Variants in MAMDC4 observed in about 807,000 individuals in gnomAD.
The protein encoded by MAMDC4 is MAM domain containing 4, also known as apical endosomal glycoprotein.
MAMDC4 carries 168 observed loss-of-function variants against 153.3 expected under a neutral mutation model. The observed-to-expected ratio is 1.10, with a 90% CI of 0.97 to 1.25. MAMDC4 has a LOEUF of 1.25. MAMDC4 is among the 50% of genes most tolerant of loss of function. The pLI is 0.00. For missense variants in MAMDC4, 1,701 were observed against 1,542.8 expected, an observed-to-expected ratio of 1.10 and a Z score of -1.72; for synonymous variants, 744 against 651.5, an observed-to-expected ratio of 1.14 and a Z score of -2.16.
rs1219178111 is a variant in MAMDC4 at position 136,859,007 on chromosome 9, A to G, written c.2959A>G (p.Lys987Glu). 2 of 1,523,684 alleles carry G rather than the reference A, an allele frequency of 1.3e-6. No homozygotes were observed. The highest frequency in any genetic ancestry group is 2.7e-5 in the African/African-American group (2 of 72,810). The allele number at this position is 1,523,684 out of a possible 1,614,324, so 94.4% of individuals were successfully genotyped here. The stretch of plus-strand genomic sequence containing the variant: ...ACACGCCCTGGCCCTGCTCTCAGAC[A>G]AGGGGGAGCTGAAGGTACTGCTGCA... Reference protein sequence around the residue: ...YHMGFPEHFYKGELKVLLHSA... With the variant: ...YHMGFPEHFYEGELKVLLHSA... The change falls in exon 24 of 27, where the codon AAG becomes GAG. Residue 987 changes from lysine (K) to glutamate (E), a missense_variant and splice_region_variant. Lys to Glu is a moderately conservative substitution (Grantham distance 56, BLOSUM62 1). Coordinates refer to ENST00000317446, the MANE Select transcript of MAMDC4 (RefSeq NM_206920.3).
At chr9:136,858,333 C>G in intron 21 of MAMDC4, 57 bp downstream of exon 21, 1 of 1,600,270 alleles carries the variant, frequency 6.2e-7, no homozygotes, top group Non-Finnish European at 8.5e-7. Context: ...AGCCCTTTCC[C>G]TTCGTAGTCG....
chr9:136,859,328 G>T lies in MAMDC4; in HGVS notation c.3193+11G>T. The T allele has an allele frequency of 6.2e-7, 1 of 1,603,914 alleles. No homozygotes were observed. Among genetic ancestry groups the T allele is most frequent in the South Asian group, 1.1e-5 (1 of 90,036 alleles). On this transcript the variant is annotated intron_variant, in intron 25 of 26. Transcript: ENST00000317446. ...CTGCCCCCAGCCCGGGTGAGCCCTG[G>T]GCTGCAGTGGAGGCACGGAGGAGGG...
rs138623341 is a variant in MAMDC4 at position 136,859,975 on chromosome 9, C to T, written c.3283C>T (p.Arg1095Trp). 2.9e-3 allele frequency: 4,688 copies of T among 1,612,938 alleles called. 13 individuals carry two copies. Among genetic ancestry groups the T allele is most frequent in the Non-Finnish European group, 3.5e-3 (4,147 of 1,179,874 alleles). ...MLLVLLGLGG[R>W]RWLQKKGSCP... is the part of the protein sequence containing the mutation. ...CCTGGTGCTGCTGGGACTTGGGGGA[C>T]GGCGCTGGCTGCAGAAGAAGGGGAG... The change falls in exon 26 of 27, where the codon CGG becomes TGG. Residue 1095 changes from arginine (R) to tryptophan (W), a missense_variant. Arg to Trp is a moderately radical substitution (Grantham distance 101, BLOSUM62 -3). Coordinates refer to ENST00000317446, the MANE Select transcript of MAMDC4 (RefSeq NM_206920.3).
chr9:136,855,019 G>A lies in MAMDC4; in HGVS notation c.1106G>A (p.Arg369Gln), dbSNP rs764179924. The A allele has an allele frequency of 2.9e-5, 47 of 1,601,072 alleles. No individual in the cohort carries two copies. The highest frequency in any genetic ancestry group is 5.5e-5 in the South Asian group (5 of 90,112). ...CAGACTCTGGGGCCCGGCGCCCCCC[G>A]GGCCCCCGTCCTGCTGCGGAGGCGC... is the stretch of plus-strand genomic sequence containing the variant. ...FLQTLGPGAP[R>Q]APVLLRRRRG... is the part of the protein sequence containing the mutation. Residue 369 changes from arginine to glutamine, a missense_variant, in exon 10 of 27, where the codon CGG becomes CAG. By Grantham distance (43) the Arg-to-Gln change is conservative. Coordinates refer to ENST00000317446, the MANE Select transcript of MAMDC4 (RefSeq NM_206920.3).
chr9:136,854,301 G>A lies in MAMDC4; in HGVS notation c.761G>A (p.Cys254Tyr), dbSNP rs776397498. The A allele has an allele frequency of 6.3e-7, 1 of 1,597,384 alleles. No homozygotes were observed. ...CAGCTGTGCGACGGGGAAGACAACTGCGGGGACCTGTCTGATGAGAACCCA... is the reference window on the plus strand; with the variant it reads ...CAGCTGTGCGACGGGGAAGACAACTACGGGGACCTGTCTGATGAGAACCCA... ...PQQLCDGEDN[C>Y]GDLSDENPLT... The change falls in exon 7 of 27, where the codon TGC becomes TAC. Residue 254 changes from cysteine (C) to tyrosine (Y), a missense_variant. Coordinates refer to ENST00000317446, the MANE Select transcript of MAMDC4 (RefSeq NM_206920.3).
In MAMDC4 at chr9:136,858,728, C is replaced by T; in HGVS notation, c.2831C>T (p.Ala944Val). The T allele has an allele frequency of 1.9e-6, 3 of 1,612,144 alleles. No individual in the cohort carries two copies. The highest frequency in any genetic ancestry group is 2.2e-5 in the South Asian group (2 of 91,072). The change falls in exon 23 of 27, where the codon GCC (alanine) becomes GTC (valine). Residue 944 changes from alanine to valine, a missense_variant. Coordinates refer to ENST00000317446, the MANE Select transcript of MAMDC4 (RefSeq NM_206920.3). ...CTCCTCTTGTTCCCAGGCCACTTTG[C>T]CTTCTTTGAAACTGGCGTGCTGGGC... ...HTLGTEAGHF[A>V]FFETGVLGPG...
At position 136,860,576 on chromosome 9, in the gene MAMDC4, C is replaced by T. The variant is rs1462333005; in HGVS notation, c.3387C>T (p.Leu1129=). The T allele has an allele frequency of 1.9e-6, 3 of 1,612,870 alleles. No homozygotes were observed. Among genetic ancestry groups the T allele is most frequent in the South Asian group, 1.1e-5 (1 of 91,076 alleles). The change falls in exon 27 of 27, where the codon CTC becomes CTT. Residue 1129 remains leucine (L), a synonymous_variant. Coordinates refer to ENST00000317446, the MANE Select transcript of MAMDC4 (RefSeq NM_206920.3). ...NILFNADGVT[L]PASVTSDP is the part of the protein sequence containing the mutation. Reference sequence around the variant, plus strand: ...CCTCCTCCTAGGATGGTGTCACCCTCCCGGCATCTGTCACCAGTGATCCGT... The same window carrying T: ...CCTCCTCCTAGGATGGTGTCACCCTTCCGGCATCTGTCACCAGTGATCCGT...
chr9:136,858,816 C>G lies in MAMDC4; in HGVS notation c.2919C>G (p.Leu973=), dbSNP rs1374038929. Residue 973 remains leucine (L), a synonymous_variant, in exon 23 of 27, where the codon CTC becomes CTG. Transcript: ENST00000317446. ...EPLPATPASC[L]RFWYHMGFPE... ...TGCCGGCCACCCCAGCCTCCTGCCT[C>G]CGCTTCTGGTACCACATGGGTTTTC... is the stretch of plus-strand genomic sequence containing the variant. 1.9e-6 allele frequency: 3 copies of G among 1,610,666 alleles called. No homozygotes were observed. Among genetic ancestry groups the G allele is most frequent in the Admixed American group, 3.3e-5 (2 of 59,704 alleles).
At position 136,855,996 on chromosome 9, in the gene MAMDC4, G is replaced by C. The variant is rs200547086; in HGVS notation, c.1589-22G>C. 2.7e-3 allele frequency: 4,290 copies of C among 1,602,058 alleles called. 9 individuals carry two copies. Among genetic ancestry groups the C allele is most frequent in the Non-Finnish European group, 3.2e-3 (3,808 of 1,173,786 alleles). On this transcript the variant is annotated intron_variant, in intron 13 of 26. Transcript: ENST00000317446. Reference sequence around the variant, plus strand: ...GGGGCCCTGGAAGGGATGAGGCTCTGAGCACCATGCTCTTCCCCTAGGGCA... The same window carrying C: ...GGGGCCCTGGAAGGGATGAGGCTCTCAGCACCATGCTCTTCCCCTAGGGCA...
Position 136,858,076 on chromosome 9 carries a change from G to A in MAMDC4, c.2562G>A (p.Val854=), listed in dbSNP as rs1467061529. ...CCTGGCGCCTGGGCAGCATGGACGTGCAGGCCGAGCGAGCCTGGAGGGTGA... is the reference window on the plus strand; with the variant it reads ...CCTGGCGCCTGGGCAGCATGGACGTACAGGCCGAGCGAGCCTGGAGGGTGA... ...GLAWRLGSMD[V]QAERAWRVVF... is the part of the protein sequence containing the mutation. The change falls in exon 20 of 27, where the codon GTG becomes GTA. Residue 854 remains valine (V), a synonymous_variant. Transcript: ENST00000317446. 7.2e-6 allele frequency: 11 copies of A among 1,531,656 alleles called. No homozygotes were observed. The South Asian group carries it at 1.2e-4, about 17-fold the overall frequency. 94.9% of individuals were successfully genotyped at this position (1,531,656 alleles called of 1,614,324 possible). A position where few individuals can be genotyped will look rare whatever the true frequency, so the allele number is the denominator to read the frequency against.
chr9:136,856,926 C>G lies in MAMDC4; in HGVS notation c.1857C>G (p.Asp619Glu). Residue 619 changes from aspartate to glutamate, a missense_variant, in exon 16 of 27, where the codon GAC (aspartate) becomes GAG (glutamate). Coordinates refer to ENST00000317446, the MANE Select transcript of MAMDC4 (RefSeq NM_206920.3). ...TTGQGHFVLL[D>E]PTDPLAWGHS... ...CTGCAGGCCACTTTGTGCTCCTGGA[C>G]CCCACAGACCCCCTGGCCTGGGGCC... The G allele has an allele frequency of 6.2e-7, 1 of 1,609,428 alleles. No homozygotes were observed. Among genetic ancestry groups the G allele is most frequent in the Non-Finnish European group, 8.5e-7 (1 of 1,177,560 alleles).
chr9:136,858,200 A>C lies in MAMDC4; in HGVS notation c.2598A>C (p.Ala866=). 6.3e-7 allele frequency: 1 copy of C among 1,592,604 alleles called. No individual in the cohort carries two copies. Among genetic ancestry groups the C allele is most frequent in the Non-Finnish European group, 8.5e-7 (1 of 1,174,212 alleles). The change falls in exon 21 of 27, where the codon GCA becomes GCC. Residue 866 remains alanine (A), a synonymous_variant. Transcript: ENST00000317446. ...AERAWRVVFE[A]VAAGVAHSYV... The stretch of plus-strand genomic sequence containing the variant: ...GCACCCGCCAGGTGGTGTTTGAGGC[A>C]GTGGCCGCAGGCGTGGCACACTCCT...
Position 136,854,024 on chromosome 9 carries a change from C to T in MAMDC4, c.618C>T (p.His206=), listed in dbSNP as rs1437711015. The T allele has an allele frequency of 1.2e-6, 2 of 1,612,982 alleles. No homozygotes were observed. The highest frequency in any genetic ancestry group is 1.3e-5 in the African/African-American group (1 of 75,016). Reference sequence around the variant, plus strand: ...TCTCTGCCACCCGAAATGCCACCCACAGGGGCGCTGTGGCTCTAGATGACC... The same window carrying T: ...TCTCTGCCACCCGAAATGCCACCCATAGGGGCGCTGTGGCTCTAGATGACC... ...VTFSATRNAT[H]RGAVALDDLE... Residue 206 remains histidine (H), a synonymous_variant, in exon 6 of 27, where the codon CAC becomes CAT. Coordinates refer to ENST00000317446, the MANE Select transcript of MAMDC4 (RefSeq NM_206920.3).
Position 136,858,759 on chromosome 9 carries a change from G to A in MAMDC4, c.2862G>A (p.Gly954=). Residue 954 remains glycine (G), a synonymous_variant, in exon 23 of 27, where the codon GGG becomes GGA. Coordinates refer to ENST00000317446, the MANE Select transcript of MAMDC4 (RefSeq NM_206920.3). The part of the protein sequence containing the change: ...AFFETGVLGP[G]GRAAWLRSEP... Reference sequence around the variant, plus strand: ...TTGAAACTGGCGTGCTGGGCCCCGGGGGCCGGGCCGCCTGGCTGCGCAGCG... The same window carrying A: ...TTGAAACTGGCGTGCTGGGCCCCGGAGGCCGGGCCGCCTGGCTGCGCAGCG... The A allele has an allele frequency of 6.2e-7, 1 of 1,611,098 alleles. No homozygotes were observed. The highest frequency in any genetic ancestry group is 8.5e-7 in the Non-Finnish European group (1 of 1,179,308).
At chr9:136,854,178 G>A (rs753666028) in intron 6 of MAMDC4, 33 bp from the exon 7 acceptor site, 2 of 1,611,834 alleles carry the variant, frequency 1.2e-6, no homozygotes, top group South Asian at 2.2e-5. Context: ...CACTCCTGGG[G>A]CCTCGGTGAA....
intron 25 of MAMDC4, 76 bp from the exon 26 acceptor site, chr9:136,859,810 T>C (rs779601497): frequency 3.1e-5 from 47 of 1,506,048 alleles, no homozygotes; most frequent in Non-Finnish European, 3.9e-5. Context: ...TGAGGGACCA[T>C]GCAGCCCCAG....
Position 136,855,079 on chromosome 9 carries a change from G to T in MAMDC4, c.1166G>T (p.Arg389Leu), listed in dbSNP as rs557627398. 6.9e-6 allele frequency: 11 copies of T among 1,593,334 alleles called. No homozygotes were observed. Among genetic ancestry groups the T allele is most frequent in the South Asian group, 2.2e-5 (2 of 89,612 alleles). ...GELGTAWVRD[R>L]VDIQSAYPFQ... Reference sequence around the variant, plus strand: ...CTGGGGACCGCCTGGGTCCGAGACCGTGTTGACATCCAGAGCGCCTACCCC... The same window carrying T: ...CTGGGGACCGCCTGGGTCCGAGACCTTGTTGACATCCAGAGCGCCTACCCC... Residue 389 changes from arginine (R) to leucine (L), a missense_variant, in exon 10 of 27, where the codon CGT becomes CTT. By Grantham distance (102) the Arg-to-Leu change is moderately radical. Transcript: ENST00000317446.
chr9:136,853,990 A>C lies in MAMDC4; in HGVS notation c.586-2A>C. 6.2e-7 allele frequency: 1 copy of C among 1,612,846 alleles called. No individual in the cohort carries two copies. Among genetic ancestry groups the C allele is most frequent in the Non-Finnish European group, 8.5e-7 (1 of 1,179,910 alleles). On this transcript the variant is annotated splice_acceptor_variant, in intron 5 of 26. Coordinates refer to ENST00000317446, the MANE Select transcript of MAMDC4 (RefSeq NM_206920.3). LOFTEE classifies it high-confidence loss of function. The stretch of plus-strand genomic sequence containing the variant: ...TAGGTCCTAAGAGCCTGTTCTCTTC[A>C]GGTGACCTTCTCTGCCACCCGAAAT...
chr9:136,860,188 C>T (rs1038188760), intron 26 of MAMDC4, 124 bp downstream of exon 26: 3 of 1,127,280 alleles, frequency 2.7e-6, no homozygotes, highest in Non-Finnish European at 3.7e-6. Context: ...CCATCCTTGC[C>T]CTCCCTGCCC....
Sources: gnomAD v4.1 joint callset for allele counts on GRCh38, gnomAD v4.1.1 for gene constraint, MANE v1.5 for transcripts, NCBI Gene and HGNC (gene_info 2026-07-23, HGNC 2026-07-21) for gene names.